Variants in MAPK14 observed in about 807,000 individuals in gnomAD.
MAPK14 encodes mitogen-activated protein kinase 14.
A neutral mutation model predicts 49.6 loss-of-function variants in MAPK14; 16 were observed. That is an observed-to-expected ratio of 0.32 (90% confidence interval 0.22 to 0.49). MAPK14 has a LOEUF of 0.49. Among genes scored for constraint, MAPK14 ranks in the 20% least tolerant of loss-of-function variants. The pLI, the probability that MAPK14 is intolerant of heterozygous loss-of-function variation, is 0.99. For synonymous variants in MAPK14, 142 were observed against 158.0 expected (o/e 0.90, Z 0.76); for missense variants, 200 against 441.2 (o/e 0.45, Z 4.90).
At chr6:36,033,197 A>G (rs1762608399) in intron 1 of MAPK14, among the ~76,000 whole-genome samples, 1 of 152,236 alleles carries the variant, frequency 6.6e-6, no homozygotes, top group African/African-American at 2.4e-5. Flanking sequence ...GCCAGTCAAT[A>G]AGAAGTCTTT....
Position 36,033,209 on chromosome 6 carries a change from A to C in MAPK14, c.116+4936A>C, listed in dbSNP as rs544092521. On this transcript the variant is annotated intron_variant, in intron 1 of 11. Transcript: ENST00000229794. ...AGTGCCAGTCAATAAGAAGTCTTTA[A>C]ACATAATTAACGGCAAGCATTTGTA... 8.7e-4 allele frequency among the ~76,000 whole-genome samples: 133 copies of C among 152,346 alleles called. 1 individual carries two copies. Among genetic ancestry groups the C allele is most frequent in the Admixed American group, 4.0e-3 (61 of 15,304 alleles).
downstream of MAPK14, among the ~76,000 whole-genome samples, chr6:36,112,712 GGTCTGA>G (rs113179177): frequency 0.025 from 3,870 of 152,176 alleles, 150 homozygotes; most frequent in African/African-American, 0.081. Context: ...ATTGTTAACT[GGTCTGA>G]GTCTGTCACC....
chr6:36,050,589 T>A (rs1763355754), intron 1 of MAPK14, among the ~76,000 whole-genome samples: 1 of 152,098 alleles, frequency 6.6e-6, no homozygotes, highest in Non-Finnish European at 1.5e-5. Context: ...TGTAGAGAGA[T>A]CTTCTGGATA....
intron 2 of MAPK14, among the ~76,000 whole-genome samples, chr6:36,053,497 T>C (rs1428101975): frequency 1.3e-5 from 2 of 152,120 alleles, no homozygotes; most frequent in Admixed American, 6.5e-5. Context: ...AATAAGTGGA[T>C]ATAATTGGAA....
In MAPK14 at chr6:36,108,651, A is replaced by G. The variant is rs192462444; in HGVS notation, c.*204A>G. The G allele has an allele frequency of 1.4e-5, 8 of 580,804 alleles. No individual in the cohort carries two copies. Among genetic ancestry groups the G allele is most frequent in the African/African-American group, 5.6e-5 (3 of 53,526 alleles). The allele number at this position is 580,804 out of a possible 1,614,324, so 36.0% of individuals were successfully genotyped here. On this transcript the variant is annotated 3_prime_UTR_variant, in exon 12 of 12. Transcript: ENST00000229794. ...GAGGGTAAGACAATATGAACAAACT[A>G]TGATCACAGTGACTTTACAGGAGGT...
Position 36,092,757 on chromosome 6 carries a change from C to T in MAPK14, c.683-3230C>T, listed in dbSNP as rs1211770301. 1.9e-5 allele frequency: 5 copies of T among 259,062 alleles called. No homozygotes were observed. The East Asian group carries it at 3.4e-4, about 17-fold the overall frequency. The allele number at this position is 259,062 out of a possible 1,614,324, so 16.0% of individuals were successfully genotyped here. A position where few individuals can be genotyped will look rare whatever the true frequency, so the allele number is the denominator to read the frequency against. On this transcript the variant is annotated intron_variant, in intron 8 of 11. Coordinates refer to ENST00000229794, the MANE Select transcript of MAPK14 (RefSeq NM_139012.3). ...TACTGGAGGCAGCAGTGTCAGCATA[C>T]GCCGGTGTCACGACTCAAGACATCG... is the stretch of plus-strand genomic sequence containing the variant.
intron 1 of MAPK14, among the ~76,000 whole-genome samples, chr6:36,036,758 C>T (rs1762767367): frequency 6.8e-6 from 1 of 147,628 alleles, no homozygotes; most frequent in South Asian, 2.1e-4. Flanking sequence ...TTTATTTTTT[C>T]TAGATGGAGT....
At chr6:36,041,472 A>G (rs1762959325) in intron 1 of MAPK14, among the ~76,000 whole-genome samples, 1 of 152,206 alleles carries the variant, frequency 6.6e-6, no homozygotes, top group Admixed American at 6.5e-5. Flanking sequence ...AATCTCAAGA[A>G]TGACTGATCC....
intron 3 of MAPK14, among the ~76,000 whole-genome samples, chr6:36,065,775 A>G (rs1764030914): frequency 6.6e-6 from 1 of 152,152 alleles, no homozygotes; most frequent in Admixed American, 6.5e-5. Flanking sequence ...AACACATTCC[A>G]TAGTGTGTGA....
chr6:36,121,127 G>T, the MAPK14 span, among the ~76,000 whole-genome samples: 1 of 152,030 alleles, frequency 6.6e-6, no homozygotes, highest in African/African-American at 2.4e-5. Flanking sequence ...AAGCAAAGAC[G>T]TGGTGACAGG....
intron 8 of MAPK14, among the ~76,000 whole-genome samples, chr6:36,089,519 GC>G (rs892234793): frequency 6.6e-6 from 1 of 152,160 alleles, no homozygotes. Context: ...TGCACATCCT[GC>G]ACTTGTATCT....
At chr6:36,098,871 C>A (rs1165382524) in intron 9 of MAPK14, among the ~76,000 whole-genome samples, 1 of 152,154 alleles carries the variant, frequency 6.6e-6, no homozygotes, top group African/African-American at 2.4e-5. Flanking sequence ...TATCTGTACT[C>A]CTAACAAAAT....
At chr6:36,094,422 T>C (rs572479324) in intron 8 of MAPK14, among the ~76,000 whole-genome samples, 1 of 152,330 alleles carries the variant, frequency 6.6e-6, no homozygotes, top group African/African-American at 2.4e-5. Flanking sequence ...CATGGCTGTG[T>C]TCTAATAAAA....
chr6:36,050,967 T>G (rs1763372023), intron 1 of MAPK14, among the ~76,000 whole-genome samples: 1 of 152,060 alleles, frequency 6.6e-6, no homozygotes, highest in Non-Finnish European at 1.5e-5. Context: ...GGAAGGGCAC[T>G]GGAGTAGGTA....
At chr6:36,067,390 C>T (rs1275249019) in intron 3 of MAPK14, among the ~76,000 whole-genome samples, 2 of 152,100 alleles carry the variant, frequency 1.3e-5, no homozygotes, top group African/African-American at 2.4e-5. Context: ...CATCTAAAGG[C>T]TGTATCTGTC....
At chr6:36,063,742 T>C (rs1438146197) in intron 3 of MAPK14, among the ~76,000 whole-genome samples, 6 of 152,176 alleles carry the variant, frequency 3.9e-5, no homozygotes, top group East Asian at 1.9e-4. Context: ...AGTTACTGAA[T>C]CTGGATGGAG....
chr6:36,096,588 A>T (rs1443758657), intron 9 of MAPK14: 1 of 152,786 alleles, frequency 6.5e-6, no homozygotes, highest in Non-Finnish European at 1.5e-5. Context: ...TTTAGAATAG[A>T]TACTCACATA....
intron 1 of MAPK14, among the ~76,000 whole-genome samples, chr6:36,042,363 G>A (rs1483586428): frequency 1.3e-5 from 2 of 151,880 alleles, no homozygotes; most frequent in South Asian, 4.2e-4. Context: ...GTATTGCTTT[G>A]TCAAAGTCTG....
downstream of MAPK14, among the ~76,000 whole-genome samples, chr6:36,114,745 TAAAAA>T (rs528855842): frequency 2.3e-4 from 35 of 151,218 alleles, no homozygotes; most frequent in South Asian, 6.9e-3. Context: ...TTTCATTTCT[TAAAAA>T]AAAACAGTAG....
Sources: gnomAD v4.1 joint callset for allele counts (sites outside exome capture counted in the v4.1 genomes callset) on GRCh38, gnomAD v4.1.1 for gene constraint, MANE v1.5 for transcripts, NCBI Gene and HGNC (gene_info 2026-07-23, HGNC 2026-07-21) for gene names.